SOX12: variants seen among roughly 807,000 people sequenced by gnomAD.
SOX12 encodes the protein SRY-box transcription factor 12.
Under a neutral mutation model 21.5 loss-of-function variants are expected in SOX12, and 8 were observed. That is an observed-to-expected ratio of 0.37 (90% CI 0.22 to 0.67). The LOEUF is 0.67. SOX12 is among the 30% of genes least tolerant of loss of function. The probability of loss-of-function intolerance (pLI) is 0.56; values close to 1 mark genes in which losing one functional copy is unlikely to be tolerated. For synonymous variants in SOX12, 235 were observed against 224.2 expected, an observed-to-expected ratio of 1.05 and a Z score of -0.43; for missense variants, 400 against 482.6, an observed-to-expected ratio of 0.83 and a Z score of 1.60.
rs2013079518 is a variant in SOX12, at chr20:325,936, G to A, written c.12G>A (p.Gln4=). The part of the protein sequence containing the change: MVQ[Q]RGARAKRDGG... ...CGGGCCCAGGCGCGATGGTGCAGCA[G>A]CGGGGCGCGAGGGCCAAGCGGGACG... is the stretch of plus-strand genomic sequence containing the variant. Residue 4 remains glutamine, a synonymous_variant, in exon 1 of 1, where the codon CAG becomes CAA. Transcript: ENST00000342665. This position sits in a 1 kb window ranked among gnomAD's most constrained non-coding sequence, Gnocchi z 5.0. 3.2e-6 allele frequency: 4 copies of A among 1,266,582 alleles called. No individual in the cohort carries two copies. Among genetic ancestry groups the A allele is most frequent in the Middle Eastern group, 2.9e-4 (1 of 3,420 alleles). 78.5% of individuals were successfully genotyped at this position (1,266,582 alleles called of 1,614,324 possible).
chr20:329,605 G>T lies in SOX12; in HGVS notation c.*2733G>T, dbSNP rs1043413531. 1.2e-5 allele frequency: 2 copies of T among 167,110 alleles called. No homozygotes were observed. Among genetic ancestry groups the T allele is most frequent in the African/African-American group, 4.8e-5 (2 of 41,464 alleles). 10.4% of individuals were successfully genotyped at this position (167,110 alleles called of 1,614,324 possible). On this transcript the variant is annotated 3_prime_UTR_variant, in exon 1 of 1. Transcript: ENST00000342665. ...GGCCTGCAGAGTAGATTAACTGAAT[G>T]ACCAAAGAGCAACAGAAGTCTAGTG...
rs1304086424 is a variant in SOX12 at position 326,541 on chromosome 20, C to G, written c.617C>G (p.Pro206Arg). Reference protein sequence around the residue: ...ARGQAERAQGPSGEGAAAAAA... With the variant: ...ARGQAERAQGRSGEGAAAAAA... ...GGACAAGCGGAGCGCGCCCAAGGGC[C>G]GTCGGGCGAGGGGGCGGCCGCCGCC... The change falls in exon 1 of 1, where the codon CCG (proline) becomes CGG (arginine). Residue 206 changes from proline to arginine, a missense_variant. By Grantham distance (103) the Pro-to-Arg change is moderately radical. Around this residue, in one of 4 missense-constraint regions of SOX12, gnomAD observed 235 missense variants for 219.3 expected, o/e 1.07. Coordinates refer to ENST00000342665, the MANE Select transcript of SOX12 (RefSeq NM_006943.4). The surrounding 1 kb of genome is among the most constrained non-coding windows in gnomAD (Gnocchi z 9.9). 2.0e-6 allele frequency: 3 copies of G among 1,502,586 alleles called. No individual in the cohort carries two copies. Among genetic ancestry groups the G allele is most frequent in the Non-Finnish European group, 8.8e-7 (1 of 1,133,806 alleles). The allele number at this position is 1,502,586 out of a possible 1,614,324, so 93.1% of individuals were successfully genotyped here.
chr20:326,545 G>C lies in SOX12; in HGVS notation c.621G>C (p.Ser207=), dbSNP rs1023888940. The change falls in exon 1 of 1, where the codon TCG becomes TCC. Residue 207 remains serine (S), a synonymous_variant. Transcript: ENST00000342665. The surrounding 1 kb of genome is among the most constrained non-coding windows in gnomAD (Gnocchi z 9.9). ...RGQAERAQGP[S]GEGAAAAAAA... ...AAGCGGAGCGCGCCCAAGGGCCGTC[G>C]GGCGAGGGGGCGGCCGCCGCCGCCG... 1 of 1,505,010 alleles carries C rather than the reference G, an allele frequency of 6.6e-7. No individual in the cohort carries two copies. Among genetic ancestry groups the C allele is most frequent in the Non-Finnish European group, 8.8e-7 (1 of 1,134,806 alleles). 93.2% of individuals were successfully genotyped at this position (1,505,010 alleles called of 1,614,324 possible). A position where few individuals can be genotyped will look rare whatever the true frequency, so the allele number is the denominator to read the frequency against.
Position 325,949 on chromosome 20 carries a change from G to T in SOX12, c.25G>T (p.Ala9Ser). 1 of 1,320,902 alleles carries T rather than the reference G, an allele frequency of 7.6e-7. No individual in the cohort carries two copies. Among genetic ancestry groups the T allele is most frequent in the South Asian group, 2.0e-5 (1 of 50,828 alleles). The allele number at this position is 1,320,902 out of a possible 1,614,324, so 81.8% of individuals were successfully genotyped here. A position where few individuals can be genotyped will look rare whatever the true frequency, so the allele number is the denominator to read the frequency against. The change falls in exon 1 of 1, where the codon GCC becomes TCC. Residue 9 changes from alanine to serine, a missense_variant. Coordinates refer to ENST00000342665, the MANE Select transcript of SOX12 (RefSeq NM_006943.4). The surrounding 1 kb of genome is among the most constrained non-coding windows in gnomAD (Gnocchi z 5.0). ...GATGGTGCAGCAGCGGGGCGCGAGG[G>T]CCAAGCGGGACGGCGGGCCGCCGCC... MVQQRGAR[A>S]KRDGGPPPPG... is the part of the protein sequence containing the mutation.
chr20:326,206 G>A lies in SOX12; in HGVS notation c.282G>A (p.Glu94=), dbSNP rs780154689. 3.8e-6 allele frequency: 6 copies of A among 1,592,558 alleles called. No individual in the cohort carries two copies. The highest frequency in any genetic ancestry group is 4.3e-6 in the Non-Finnish European group (5 of 1,170,506). ...SEKIPFVREA[E]RLRLKHMADY... ...AGATCCCGTTCGTGCGGGAGGCGGA[G>A]CGGCTGCGGCTCAAGCACATGGCGG... Residue 94 remains glutamate, a synonymous_variant, in exon 1 of 1, where the codon GAG becomes GAA. Coordinates refer to ENST00000342665, the MANE Select transcript of SOX12 (RefSeq NM_006943.4). This position sits in a 1 kb window ranked among gnomAD's most constrained non-coding sequence, Gnocchi z 9.9.
At position 327,191 on chromosome 20, in the gene SOX12, A is replaced by C; in HGVS notation, c.*319A>C. The C allele has an allele frequency of 3.1e-5, 9 of 287,318 alleles. No individual in the cohort carries two copies. Among genetic ancestry groups the C allele is most frequent in the Non-Finnish European group, 4.8e-5 (7 of 144,942 alleles). The allele number at this position is 287,318 out of a possible 1,614,324, so 17.8% of individuals were successfully genotyped here. On this transcript the variant is annotated 3_prime_UTR_variant, in exon 1 of 1. Coordinates refer to ENST00000342665, the MANE Select transcript of SOX12 (RefSeq NM_006943.4). ...CCTGCACCCCTCCCCCCTTTTGCAC[A>C]CGCCCCTCCTCGTGGCCGGAGGACC...
Position 326,517 on chromosome 20 carries a change from G to T in SOX12, c.593G>T (p.Gly198Val). The T allele has an allele frequency of 1.4e-6, 2 of 1,457,796 alleles. No individual in the cohort carries two copies. The highest frequency in any genetic ancestry group is 1.4e-5 in the South Asian group (1 of 70,742). The allele number at this position is 1,457,796 out of a possible 1,614,324, so 90.3% of individuals were successfully genotyped here. ...RMVPAGRAAR[G>V]QAERAQGPSG... is the part of the protein sequence containing the mutation. Reference sequence around the variant, plus strand: ...GTCCCGGCGGGACGGGCCGCTCGGGGACAAGCGGAGCGCGCCCAAGGGCCG... The same window carrying T: ...GTCCCGGCGGGACGGGCCGCTCGGGTACAAGCGGAGCGCGCCCAAGGGCCG... Residue 198 changes from glycine to valine, a missense_variant, in exon 1 of 1, where the codon GGA becomes GTA. Coordinates refer to ENST00000342665, the MANE Select transcript of SOX12 (RefSeq NM_006943.4). This position sits in a 1 kb window ranked among gnomAD's most constrained non-coding sequence, Gnocchi z 9.9.
In SOX12 at chr20:325,855, TC is replaced by T; in HGVS notation, c.-65del. ...CCGCCCCTCCGTCGCCGCTGCCTCC[TC>T]CCCCACCCCCAGCCGCGGAGGATGC... On this transcript the variant is annotated 5_prime_UTR_variant, in exon 1 of 1. Coordinates refer to ENST00000342665, the MANE Select transcript of SOX12 (RefSeq NM_006943.4). This position sits in a 1 kb window ranked among gnomAD's most constrained non-coding sequence, Gnocchi z 5.0. 3 of 895,348 alleles carry T rather than the reference TC, an allele frequency of 3.4e-6. No individual in the cohort carries two copies. The highest frequency in any genetic ancestry group is 5.4e-4 in the Middle Eastern group (1 of 1,854). 55.5% of individuals were successfully genotyped at this position (895,348 alleles called of 1,614,324 possible).
rs1234138770 is a variant in SOX12, at chr20:328,311, A to G, written c.*1439A>G. On this transcript the variant is annotated 3_prime_UTR_variant, in exon 1 of 1. Coordinates refer to ENST00000342665, the MANE Select transcript of SOX12 (RefSeq NM_006943.4). ...CACCCCCCTTGCCCTCACTACCTGTATCTCACCGGCGTGTGTTCACCCTCC... is the reference window on the plus strand; with the variant it reads ...CACCCCCCTTGCCCTCACTACCTGTGTCTCACCGGCGTGTGTTCACCCTCC... 7.5e-6 allele frequency: 1 copy of G among 133,770 alleles called. No homozygotes were observed. The highest frequency in any genetic ancestry group is 1.6e-5 in the Non-Finnish European group (1 of 61,356). 8.3% of individuals were successfully genotyped at this position (133,770 alleles called of 1,614,324 possible).
Position 327,215 on chromosome 20 carries a change from C to A in SOX12, c.*343C>A. On this transcript the variant is annotated 3_prime_UTR_variant, in exon 1 of 1. Coordinates refer to ENST00000342665, the MANE Select transcript of SOX12 (RefSeq NM_006943.4). The stretch of plus-strand genomic sequence containing the variant: ...CACGCCCCTCCTCGTGGCCGGAGGA[C>A]CCGCCCCCTCCTTTGCTCCGGAATC... 3.4e-6 allele frequency: 1 copy of A among 295,200 alleles called. No individual in the cohort carries two copies. Among genetic ancestry groups the A allele is most frequent in the Non-Finnish European group, 6.8e-6 (1 of 146,180 alleles). 18.3% of individuals were successfully genotyped at this position (295,200 alleles called of 1,614,324 possible).
In SOX12 at chr20:327,820, C is replaced by G. The variant is rs1245081865; in HGVS notation, c.*948C>G. ...AAACCAAGGCACCTTACCAGTCTGT[C>G]TGGGGACAGGATCCCTGCTGCACCT... On this transcript the variant is annotated 3_prime_UTR_variant, in exon 1 of 1. Transcript: ENST00000342665. 6.0e-6 allele frequency: 1 copy of G among 167,388 alleles called. No homozygotes were observed. The highest frequency in any genetic ancestry group is 1.9e-4 in the East Asian group (1 of 5,184). The allele number at this position is 167,388 out of a possible 1,614,324, so 10.4% of individuals were successfully genotyped here.
At position 326,919 on chromosome 20, in the gene SOX12, T is replaced by C; in HGVS notation, c.*47T>C. ...CACGCCCCCAAACCAGCTGTTTACA[T>C]ACAGGAATCAGGTATTGGGGCCCCT... On this transcript the variant is annotated 3_prime_UTR_variant, in exon 1 of 1. Coordinates refer to ENST00000342665, the MANE Select transcript of SOX12 (RefSeq NM_006943.4). This position sits in a 1 kb window ranked among gnomAD's most constrained non-coding sequence, Gnocchi z 9.9. 6.3e-7 allele frequency: 1 copy of C among 1,595,272 alleles called. No individual in the cohort carries two copies. Among genetic ancestry groups the C allele is most frequent in the Non-Finnish European group, 8.6e-7 (1 of 1,164,118 alleles).
In SOX12 at chr20:327,371, G is replaced by C. The variant is rs1194370464; in HGVS notation, c.*499G>C. On this transcript the variant is annotated 3_prime_UTR_variant, in exon 1 of 1. Coordinates refer to ENST00000342665, the MANE Select transcript of SOX12 (RefSeq NM_006943.4). Reference sequence around the variant, plus strand: ...ACCCCTTTTATCCCCGGAGCGCTAGGGCCCGCCCCTCCGCTGGGGCCCACC... The same window carrying C: ...ACCCCTTTTATCCCCGGAGCGCTAGCGCCCGCCCCTCCGCTGGGGCCCACC... 5 of 187,350 alleles carry C rather than the reference G, an allele frequency of 2.7e-5. No homozygotes were observed. The East Asian group carries it at 9.3e-4, about 35-fold the overall frequency. 11.6% of individuals were successfully genotyped at this position (187,350 alleles called of 1,614,324 possible). A position where few individuals can be genotyped will look rare whatever the true frequency, so the allele number is the denominator to read the frequency against.
At position 328,346 on chromosome 20, in the gene SOX12, C is replaced by T. The variant is rs888989402; in HGVS notation, c.*1474C>T. The T allele has an allele frequency of 1.8e-5, 3 of 164,966 alleles. No homozygotes were observed. Among genetic ancestry groups the T allele is most frequent in the African/African-American group, 7.3e-5 (3 of 40,866 alleles). The allele number at this position is 164,966 out of a possible 1,614,324, so 10.2% of individuals were successfully genotyped here. A position where few individuals can be genotyped will look rare whatever the true frequency, so the allele number is the denominator to read the frequency against. On this transcript the variant is annotated 3_prime_UTR_variant, in exon 1 of 1. Transcript: ENST00000342665. ...CGTGTGTTCACCCTCCCGGGTGGCT[C>T]ACACACTCTCATTCACACACACAAA...
chr20:325,961 G>C lies in SOX12; in HGVS notation c.37G>C (p.Gly13Arg). 7.3e-7 allele frequency: 1 copy of C among 1,373,012 alleles called. No homozygotes were observed. Among genetic ancestry groups the C allele is most frequent in the Non-Finnish European group, 9.4e-7 (1 of 1,062,390 alleles). The allele number at this position is 1,373,012 out of a possible 1,614,324, so 85.1% of individuals were successfully genotyped here. ...GCGGGGCGCGAGGGCCAAGCGGGAC[G>C]GCGGGCCGCCGCCCCCGGGACCCGG... ...QQRGARAKRD[G>R]GPPPPGPGPA... Residue 13 changes from glycine to arginine, a missense_variant, in exon 1 of 1, where the codon GGC becomes CGC. Gly to Arg is a moderately radical substitution (Grantham distance 125). Transcript: ENST00000342665. This position sits in a 1 kb window ranked among gnomAD's most constrained non-coding sequence, Gnocchi z 5.0.
At position 327,300 on chromosome 20, in the gene SOX12, A is replaced by G. The variant is rs1328017938; in HGVS notation, c.*428A>G. On this transcript the variant is annotated 3_prime_UTR_variant, in exon 1 of 1. Coordinates refer to ENST00000342665, the MANE Select transcript of SOX12 (RefSeq NM_006943.4). The stretch of plus-strand genomic sequence containing the variant: ...AGGGGGGCGATGCGGCCGGGTGGCA[A>G]CGCACGCGCCTCCTGCGCCCCTCCC... The G allele has an allele frequency of 4.9e-6, 1 of 202,262 alleles. No individual in the cohort carries two copies. Among genetic ancestry groups the G allele is most frequent in the Non-Finnish European group, 1.1e-5 (1 of 90,186 alleles). The allele number at this position is 202,262 out of a possible 1,614,324, so 12.5% of individuals were successfully genotyped here. A position where few individuals can be genotyped will look rare whatever the true frequency, so the allele number is the denominator to read the frequency against.
rs1395115403 is a variant in SOX12 at position 326,543 on chromosome 20, T to C, written c.619T>C (p.Ser207Pro). Residue 207 changes from serine to proline, a missense_variant, in exon 1 of 1, where the codon TCG becomes CCG. Coordinates refer to ENST00000342665, the MANE Select transcript of SOX12 (RefSeq NM_006943.4). The surrounding 1 kb of genome is among the most constrained non-coding windows in gnomAD (Gnocchi z 9.9). ...ACAAGCGGAGCGCGCCCAAGGGCCG[T>C]CGGGCGAGGGGGCGGCCGCCGCCGC... is the stretch of plus-strand genomic sequence containing the variant. Reference protein sequence around the residue: ...RGQAERAQGPSGEGAAAAAAA... With the variant: ...RGQAERAQGPPGEGAAAAAAA... 13 of 1,502,972 alleles carry C rather than the reference T, an allele frequency of 8.6e-6. No homozygotes were observed. The highest frequency in any genetic ancestry group is 1.1e-5 in the Non-Finnish European group (13 of 1,134,062). The allele number at this position is 1,502,972 out of a possible 1,614,324, so 93.1% of individuals were successfully genotyped here.
chr20:327,114 C>T lies in SOX12; in HGVS notation c.*242C>T. The T allele has an allele frequency of 1.7e-6, 1 of 576,336 alleles. No individual in the cohort carries two copies. The highest frequency in any genetic ancestry group is 3.2e-6 in the Non-Finnish European group (1 of 314,150). The allele number at this position is 576,336 out of a possible 1,614,324, so 35.7% of individuals were successfully genotyped here. The stretch of plus-strand genomic sequence containing the variant: ...CCTCCCCACGTCGCCCCCTCCTGCA[C>T]AGCCACCAGCAGCCAGCCCCCTCCG... On this transcript the variant is annotated 3_prime_UTR_variant, in exon 1 of 1. Coordinates refer to ENST00000342665, the MANE Select transcript of SOX12 (RefSeq NM_006943.4).
At position 325,790 on chromosome 20, in the gene SOX12, T is replaced by C. The variant is rs1349101062; in HGVS notation, c.-135T>C. 2 of 304,872 alleles carry C rather than the reference T, an allele frequency of 6.6e-6. No homozygotes were observed. The highest frequency in any genetic ancestry group is 2.3e-5 in the African/African-American group (1 of 43,576). The allele number at this position is 304,872 out of a possible 1,614,324, so 18.9% of individuals were successfully genotyped here. A position where few individuals can be genotyped will look rare whatever the true frequency, so the allele number is the denominator to read the frequency against. On this transcript the variant is annotated 5_prime_UTR_variant, in exon 1 of 1. Coordinates refer to ENST00000342665, the MANE Select transcript of SOX12 (RefSeq NM_006943.4). The surrounding 1 kb of genome is among the most constrained non-coding windows in gnomAD (Gnocchi z 5.0). ...TGGGCCCGAGCGCCCAGCTCCTCGC[T>C]CCCCAGTTCGCGGGGGCCGGGCCGA...
Sources: gnomAD v4.1 joint callset for allele counts on GRCh38, gnomAD v4.1.1 for gene constraint, gnomAD v4.1.1 regional missense constraint, Gnocchi (gnomAD v3.1) non-coding constraint, MANE v1.5 for transcripts, NCBI Gene and HGNC (gene_info 2026-07-23, HGNC 2026-07-21) for gene names.